C1orf141: variants seen among roughly 807,000 people sequenced by gnomAD.
The protein encoded by C1orf141 is chromosome 1 open reading frame 141, also known as uncharacterized protein C1orf141.
C1orf141 carries 19 observed loss-of-function variants against 23.2 expected under a neutral mutation model. That is an observed-to-expected ratio of 0.82 (90% CI 0.57 to 1.20). C1orf141 has a LOEUF of 1.20. Among genes scored for constraint, C1orf141 ranks in the 50% most tolerant of loss-of-function variants. C1orf141 has a pLI of 0.00. For missense variants in C1orf141, 469 were observed against 455.1 expected (o/e 1.03, Z -0.28); for synonymous variants, 153 against 154.6 (o/e 0.99, Z 0.08).
intron 5 of C1orf141, among the ~76,000 whole-genome samples, chr1:67,105,325 CAAAAAAAA>C (rs3052331): frequency 2.2e-5 from 2 of 92,324 alleles, no homozygotes; most frequent in Middle Eastern, 5.9e-3. Context: ...GACTATTTCT[CAAAAAAAA>C]AAAAAAAAAA....
intron 5 of C1orf141, among the ~76,000 whole-genome samples, chr1:67,101,593 T>A (rs1294132073): frequency 6.6e-6 from 1 of 152,076 alleles, no homozygotes; most frequent in Non-Finnish European, 1.5e-5. Context: ...CACTGACTTC[T>A]GGAAGATTCT....
intron 5 of C1orf141, among the ~76,000 whole-genome samples, chr1:67,104,492 A>T (rs1054744841): frequency 6.6e-5 from 10 of 152,162 alleles, no homozygotes; most frequent in African/African-American, 2.4e-4. Context: ...AAATTAACAA[A>T]ATTGTCATGA....
intron 5 of C1orf141, among the ~76,000 whole-genome samples, chr1:67,109,674 C>T (rs1646022916): frequency 6.6e-6 from 1 of 152,166 alleles, no homozygotes; most frequent in Non-Finnish European, 1.5e-5. Context: ...AGGCAAGTTG[C>T]TTATCTTCCT....
Position 67,096,038 on chromosome 1 carries a change from C to T in C1orf141, c.416+214G>A, listed in dbSNP as rs1050313195. 4.3e-5 allele frequency: 15 copies of T among 346,808 alleles called. No individual in the cohort carries two copies. In the East Asian group the frequency reaches 5.4e-4, roughly 13 times the overall value. The allele number at this position is 346,808 out of a possible 1,614,324, so 21.5% of individuals were successfully genotyped here. ...TTACTAAAAAAAAAAATTGTATTCCCTCTATTCATTTTTCCATGCCTTTCT... is the reference window on the plus strand; with the variant it reads ...TTACTAAAAAAAAAAATTGTATTCCTTCTATTCATTTTTCCATGCCTTTCT... On this transcript the variant is annotated intron_variant, in intron 6 of 7. Coordinates refer to ENST00000684719, the MANE Select transcript of C1orf141 (RefSeq NM_001276351.2).
intron 6 of C1orf141, 147 bp from the exon 7 acceptor site, chr1:67,095,568 C>T (rs67445597): frequency 0.15 from 79,957 of 543,638 alleles, 6,449 homozygotes; most frequent in African/African-American, 0.25. Context: ...AAGATCATCC[C>T]GTCCTGCCTG....
At chr1:67,111,551 T>C in intron 5 of C1orf141, 2 of 925,560 alleles carry the variant, frequency 2.2e-6, no homozygotes, top group African/African-American at 1.7e-5. Flanking sequence ...TATTAAGTAA[T>C]TACTGAGTAT....
chr1:67,118,017 G>A (rs1010271500), intron 4 of C1orf141, among the ~76,000 whole-genome samples: 1 of 152,138 alleles, frequency 6.6e-6, no homozygotes, highest in African/African-American at 2.4e-5. Flanking sequence ...TCAACAAAAT[G>A]TCATAGAGAT....
At chr1:67,103,069 T>C (rs543951305) in intron 5 of C1orf141, among the ~76,000 whole-genome samples, 2 of 152,042 alleles carry the variant, frequency 1.3e-5, no homozygotes. Context: ...CTAGAATCAG[T>C]GTGGTGTGGA....
At chr1:67,129,085 T>C (rs529514266) in intron 2 of C1orf141, among the ~76,000 whole-genome samples, 1 of 152,250 alleles carries the variant, frequency 6.6e-6, no homozygotes, top group East Asian at 1.9e-4. Flanking sequence ...TGACATCCCA[T>C]CCCAGCATGC....
chr1:67,096,417 T>C (rs1422137441), intron 5 of C1orf141, 96 bp from the exon 6 acceptor site: 1 of 674,848 alleles, frequency 1.5e-6, no homozygotes, highest in Non-Finnish European at 2.6e-6. Flanking sequence ...AAATAACATA[T>C]GGAAAGTACC....
chr1:67,117,438 T>G (rs569803924), intron 4 of C1orf141, among the ~76,000 whole-genome samples: 1 of 152,032 alleles, frequency 6.6e-6, no homozygotes, highest in African/African-American at 2.4e-5. Context: ...AAAAAAAAAA[T>G]TATTGAATGC....
intron 2 of C1orf141, 137 bp from the exon 3 acceptor site, chr1:67,127,394 A>T: frequency 1.8e-6 from 1 of 570,374 alleles, no homozygotes; most frequent in Non-Finnish European, 3.0e-6. Context: ...ACAGTAAATC[A>T]TAGAATTGTA....
At chr1:67,133,823 A>G (rs1252514854) in intron 1 of C1orf141, among the ~76,000 whole-genome samples, 1 of 152,088 alleles carries the variant, frequency 6.6e-6, no homozygotes, top group Non-Finnish European at 1.5e-5. Context: ...CCACCTCTCC[A>G]TTTCCAACTT....
chr1:67,096,223 A>G (rs1645676864), intron 6 of C1orf141, 29 bp downstream of exon 6: 1 of 1,052,634 alleles, frequency 9.5e-7, no homozygotes, highest in African/African-American at 1.6e-5. Context: ...TAAACAGAAC[A>G]AAGTATTAAG....
chr1:67,125,927 T>TC lies in C1orf141; in HGVS notation c.76-19_76-18insG. ...CTGTTTATCTGCAGCAATGCCAAAG[T>TC]GAAAAAAAAAAAAAAAAAAAGAGTA... On this transcript the variant is annotated intron_variant, in intron 3 of 7. Transcript: ENST00000684719. 2 of 1,112,206 alleles carry TC rather than the reference T, an allele frequency of 1.8e-6. No homozygotes were observed. The highest frequency in any genetic ancestry group is 2.2e-6 in the Non-Finnish European group (2 of 909,864). The allele number at this position is 1,112,206 out of a possible 1,614,324, so 68.9% of individuals were successfully genotyped here. A position where few individuals can be genotyped will look rare whatever the true frequency, so the allele number is the denominator to read the frequency against.
chr1:67,129,332 T>A (rs1487322620), intron 2 of C1orf141, among the ~76,000 whole-genome samples: 1 of 151,904 alleles, frequency 6.6e-6, no homozygotes, highest in Non-Finnish European at 1.5e-5. Context: ...AGCATGCATC[T>A]ATAGTCCCAG....
intron 5 of C1orf141, among the ~76,000 whole-genome samples, chr1:67,113,446 A>G (rs564451126): frequency 4.8e-5 from 7 of 145,226 alleles, no homozygotes; most frequent in African/African-American, 7.7e-5. Flanking sequence ...GCTTACTGCA[A>G]CCTCTGCCTC....
chr1:67,109,685 T>C (rs1646023233), intron 5 of C1orf141, among the ~76,000 whole-genome samples: 1 of 152,238 alleles, frequency 6.6e-6, no homozygotes, highest in Non-Finnish European at 1.5e-5. Flanking sequence ...TTATCTTCCT[T>C]GTGCCTCTTT....
At chr1:67,115,329 A>G in intron 5 of C1orf141, 23 bp downstream of exon 5, 1 of 856,052 alleles carries the variant, frequency 1.2e-6, no homozygotes. Flanking sequence ...TCAAAGAAGT[A>G]AATATGTTAC....
Sources: gnomAD v4.1 joint callset for allele counts (sites outside exome capture counted in the v4.1 genomes callset) on GRCh38, gnomAD v4.1.1 for gene constraint, MANE v1.5 for transcripts, NCBI Gene and HGNC (gene_info 2026-07-23, HGNC 2026-07-21) for gene names.